LMOD1: variants seen among roughly 807,000 people sequenced by gnomAD.
LMOD1 encodes leiomodin-1.
Under a neutral mutation model 36.5 loss-of-function variants are expected in LMOD1, and 8 were observed. The ratio of observed to expected loss-of-function variants is 0.22; its 90% CI spans 0.13 to 0.40. LMOD1 has a LOEUF of 0.40. Among genes scored for constraint, LMOD1 ranks in the 10% least tolerant of loss-of-function variants. The probability of loss-of-function intolerance (pLI) is 1.00; values close to 1 mark genes in which losing one functional copy is unlikely to be tolerated. For missense variants in LMOD1, 630 were observed against 751.1 expected (o/e 0.84, Z 1.88); for synonymous variants, 284 against 288.7 (o/e 0.98, Z 0.17).
chr1:201,918,223 G>A (rs550088383), intron 1 of LMOD1, among the ~76,000 whole-genome samples: 29 of 152,120 alleles, frequency 1.9e-4, no homozygotes, highest in African/African-American at 5.8e-4. Context: ...CCCTCACCAC[G>A]TTCCCTTCAT....
chr1:201,920,694 C>A (rs1185142122), intron 1 of LMOD1, among the ~76,000 whole-genome samples: 1 of 152,104 alleles, frequency 6.6e-6, no homozygotes, highest in East Asian at 1.9e-4. Flanking sequence ...TCAAGGAGGC[C>A]AAGTGGCCTC....
In LMOD1 at chr1:201,900,488, A is replaced by C; in HGVS notation, c.525T>G (p.Asp175Glu). Residue 175 changes from aspartate (D) to glutamate (E), a missense_variant, in exon 2 of 3, where the codon GAT becomes GAG. Physicochemically the swap from Asp to Glu is conservative, Grantham distance 45. This residue lies in a region of LMOD1 where 405 missense variants were observed against 400.6 expected (regional missense o/e 1.01). Transcript: ENST00000367288. ...AAVDKKEAGK[D>E]GRGEERAVAT... The stretch of plus-strand genomic sequence containing the variant: ...CCACTGCCCTCTCCTCTCCTCTCCC[A>C]TCCTTCCCTGCCTCCTTCTTATCCA... The C allele has an allele frequency of 1.2e-6, 2 of 1,605,688 alleles. No homozygotes were observed. The highest frequency in any genetic ancestry group is 2.8e-5 in the African/African-American group (2 of 72,228).
intron 1 of LMOD1, among the ~76,000 whole-genome samples, chr1:201,939,976 C>G (rs1682086273): frequency 6.6e-6 from 1 of 152,094 alleles, no homozygotes; most frequent in Non-Finnish European, 1.5e-5. Context: ...CTTGTCCCAG[C>G]CTGGGGACCA....
chr1:201,924,794 G>C (rs1025546499), intron 1 of LMOD1, among the ~76,000 whole-genome samples: 4 of 152,210 alleles, frequency 2.6e-5, no homozygotes, highest in African/African-American at 7.2e-5. Context: ...GGAGGCTGAG[G>C]CCGGAGGATG....
chr1:201,940,269 C>T (rs1558244317), intron 1 of LMOD1, among the ~76,000 whole-genome samples: 1 of 151,192 alleles, frequency 6.6e-6, no homozygotes, highest in Non-Finnish European at 1.5e-5. Context: ...TCACTGCAAC[C>T]TCCATCTCCT....
rs1681196793 is a variant in LMOD1 at position 201,896,460 on chromosome 1, C to T, written c.*1912G>A. 3 of 453,994 alleles carry T rather than the reference C, an allele frequency of 6.6e-6. No individual in the cohort carries two copies. Among genetic ancestry groups the T allele is most frequent in the Non-Finnish European group, 1.3e-5 (3 of 225,308 alleles). 28.1% of individuals were successfully genotyped at this position (453,994 alleles called of 1,614,324 possible). A position where few individuals can be genotyped will look rare whatever the true frequency, so the allele number is the denominator to read the frequency against. ...AACCAACAAACAAAACAGACCTGAG[C>T]TCTGACTTTTATTAGCTGTGTGATC... is the stretch of plus-strand genomic sequence containing the variant. On this transcript the variant is annotated 3_prime_UTR_variant, in exon 3 of 3. Coordinates refer to ENST00000367288, the MANE Select transcript of LMOD1 (RefSeq NM_012134.3).
At chr1:201,915,793 C>T (rs1482915784) in intron 1 of LMOD1, among the ~76,000 whole-genome samples, 2 of 152,186 alleles carry the variant, frequency 1.3e-5, no homozygotes, top group African/African-American at 2.4e-5. Context: ...GCCACTATCA[C>T]CTCTCATGGG....
intron 1 of LMOD1, among the ~76,000 whole-genome samples, chr1:201,945,089 A>G (rs1682179868): frequency 6.6e-6 from 1 of 151,782 alleles, no homozygotes; most frequent in Admixed American, 6.6e-5. Context: ...GAGAACTAGA[A>G]CAAAGACTTG....
intron 1 of LMOD1, 118 bp downstream of exon 1, chr1:201,945,962 T>C (rs756055762): frequency 1.2e-4 from 121 of 1,040,482 alleles, no homozygotes; most frequent in East Asian, 7.4e-4. Flanking sequence ...TTCTGAAGCA[T>C]TAAAATCCTT....
At chr1:201,930,695 T>C (rs912966155) in intron 1 of LMOD1, among the ~76,000 whole-genome samples, 5 of 152,024 alleles carry the variant, frequency 3.3e-5, no homozygotes, top group African/African-American at 1.2e-4. Flanking sequence ...CGGGGATAAC[T>C]GAATCCATGG....
intron 1 of LMOD1, among the ~76,000 whole-genome samples, chr1:201,932,572 C>A (rs1413117218): frequency 6.6e-6 from 1 of 151,572 alleles, no homozygotes; most frequent in African/African-American, 2.4e-5. Context: ...GGCAACATGG[C>A]AAAACCCTGT....
intron 1 of LMOD1, among the ~76,000 whole-genome samples, chr1:201,913,559 A>G (rs148434654): frequency 0.016 from 2,486 of 152,300 alleles, 21 homozygotes; most frequent in Middle Eastern, 0.085. Context: ...GTGAGCTGAG[A>G]TTGCACGACT....
chr1:201,921,216 G>A (rs142334254), intron 1 of LMOD1, among the ~76,000 whole-genome samples: 32 of 152,218 alleles, frequency 2.1e-4, no homozygotes, highest in African/African-American at 7.7e-4. Flanking sequence ...TGGGCTGGGC[G>A]CAGTGGCTCA....
chr1:201,918,349 C>T (rs1009929793), intron 1 of LMOD1, among the ~76,000 whole-genome samples: 3 of 152,224 alleles, frequency 2.0e-5, no homozygotes, highest in Admixed American at 2.0e-4. Context: ...TGTCTTCCTT[C>T]TCTTTGAGTG....
intron 1 of LMOD1, among the ~76,000 whole-genome samples, chr1:201,926,049 C>T (rs1681821480): frequency 6.6e-6 from 1 of 152,016 alleles, no homozygotes; most frequent in Admixed American, 6.6e-5. Flanking sequence ...TTTTTCCTCC[C>T]CAAAGGAAGA....
At position 201,901,600 on chromosome 1, in the gene LMOD1, ATATATATATACACATATATATGTGTG is replaced by A. The variant is rs1558234765; in HGVS notation, c.262-875_262-850del. ...TATATATATACATATATATATGTAT[ATATATATATACACATATATATGTGTG>A]TGTGTATATATATATATATATACAT... On this transcript the variant is annotated intron_variant, in intron 1 of 2. Transcript: ENST00000367288. Among the ~76,000 whole-genome samples the A allele has an allele frequency of 1.1e-4, 5 of 46,836 alleles. 1 individual carries two copies. The highest frequency in any genetic ancestry group is 2.1e-4 in the Non-Finnish European group (5 of 24,134). 30.7% of individuals were successfully genotyped at this position (46,836 alleles called of 152,430 possible).
Position 201,899,555 on chromosome 1 carries a change from C to G in LMOD1, c.1458G>C (p.Gln486His), listed in dbSNP as rs1026846046. ...QKRLQEQRQA[Q>H]EAKGEKKDLL... ...GATCCTTCTTCTCTCCCTTGGCTTC[C>G]TGTGCCTGCCTTTGCTCCTGCAGCC... The change falls in exon 2 of 3, where the codon CAG (glutamine) becomes CAC (histidine). Residue 486 changes from glutamine (Q) to histidine (H), a missense_variant. By Grantham distance (24) the Gln-to-His change is conservative (BLOSUM62 0). Around this residue, in one of 3 missense-constraint regions of LMOD1, gnomAD observed 144 missense variants for 169.8 expected, o/e 0.85. Coordinates refer to ENST00000367288, the MANE Select transcript of LMOD1 (RefSeq NM_012134.3). This position sits in a 1 kb window ranked among gnomAD's most constrained non-coding sequence, Gnocchi z 6.3. The G allele has an allele frequency of 6.2e-7, 1 of 1,613,700 alleles. No homozygotes were observed. The highest frequency in any genetic ancestry group is 8.5e-7 in the Non-Finnish European group (1 of 1,179,772).
At chr1:201,898,506 G>T in intron 2 of LMOD1, 108 bp from the exon 3 acceptor site, 2 of 953,920 alleles carry the variant, frequency 2.1e-6, no homozygotes, top group Non-Finnish European at 3.1e-6. Flanking sequence ...TCTGTGGAAT[G>T]TGAATGAGGT....
intron 1 of LMOD1, among the ~76,000 whole-genome samples, chr1:201,927,600 A>G (rs1053628808): frequency 6.6e-6 from 1 of 151,946 alleles, no homozygotes. Context: ...AAAAAAAAAA[A>G]AGAAGAATTT....
Sources: allele counts gnomAD v4.1 joint callset (sites outside exome capture counted in the v4.1 genomes callset), GRCh38; gene constraint gnomAD v4.1.1; regional missense constraint gnomAD v4.1.1; non-coding constraint Gnocchi (gnomAD v3.1); transcripts MANE v1.5; gene names NCBI Gene and HGNC (gene_info 2026-07-23, HGNC 2026-07-21).